Variants in CATSPERQ observed in about 807,000 individuals in gnomAD.
CATSPERQ encodes the protein cation channel sperm-associated auxiliary subunit theta.
At chr8:144,353,667 A>AGACC in the CATSPERQ span, 1 of 1,469,358 alleles carries the variant, frequency 6.8e-7, no homozygotes, top group Admixed American at 2.1e-5. Context: ...CCAGCACCGA[A>AGACC]GACCGTGTTG....
chr8:144,354,225 AG>A, the CATSPERQ span: 1 of 1,545,666 alleles, frequency 6.5e-7, no homozygotes, highest in Non-Finnish European at 8.7e-7. This position sits in a 1 kb window ranked among gnomAD's most constrained non-coding sequence, Gnocchi z 4.6. Context: ...GGTCGGGCCC[AG>A]GGGCTCACAC....
chr8:144,354,477 C>A, the CATSPERQ span: 8 of 1,321,250 alleles, frequency 6.1e-6, no homozygotes, highest in Non-Finnish European at 9.9e-7. The surrounding 1 kb of genome is among the most constrained non-coding windows in gnomAD (Gnocchi z 4.6). Context: ...CCAGGAGCAC[C>A]GGCCGGCCCC....
the CATSPERQ span, chr8:144,354,291 C>T: frequency 7.8e-6 from 12 of 1,534,486 alleles, no homozygotes; most frequent in Admixed American, 2.0e-5. The surrounding 1 kb of genome is among the most constrained non-coding windows in gnomAD (Gnocchi z 4.6). Context: ...AGAGCAGCAT[C>T]CCCTTCCACA....
the CATSPERQ span, chr8:144,354,665 G>A: frequency 6.5e-7 from 1 of 1,535,410 alleles, no homozygotes; most frequent in Non-Finnish European, 8.7e-7. This position sits in a 1 kb window ranked among gnomAD's most constrained non-coding sequence, Gnocchi z 4.6. Context: ...TTCTTGAGGC[G>A]TCTGGCCAGG....
chr8:144,353,641 G>A, the CATSPERQ span: 3 of 1,453,638 alleles, frequency 2.1e-6, no homozygotes, highest in Non-Finnish European at 2.8e-6. Context: ...AAGCCCCGGC[G>A]CCCTCTCCAC....
chr8:144,353,936 A>G, the CATSPERQ span: 1 of 1,527,396 alleles, frequency 6.5e-7, no homozygotes, highest in Non-Finnish European at 8.8e-7. Context: ...TCCCTGGCGC[A>G]CCCTCCCGGC....
chr8:144,354,119 C>A, the CATSPERQ span: 1 of 1,535,074 alleles, frequency 6.5e-7, no homozygotes, highest in Non-Finnish European at 8.7e-7. This position sits in a 1 kb window ranked among gnomAD's most constrained non-coding sequence, Gnocchi z 4.6. Flanking sequence ...ACGCCGTACA[C>A]GAGGAAGACC....
chr8:144,353,755 G>T, the CATSPERQ span: 4 of 1,535,058 alleles, frequency 2.6e-6, no homozygotes, highest in Non-Finnish European at 3.5e-6. Context: ...CCTGAGGAGG[G>T]CGCGTGTCTG....
At chr8:144,354,310 AGGTAGTATTCGAGCACGAAGACTG>A in the CATSPERQ span, 1 of 1,533,806 alleles carries the variant, frequency 6.5e-7, no homozygotes, top group Non-Finnish European at 8.7e-7. This position sits in a 1 kb window ranked among gnomAD's most constrained non-coding sequence, Gnocchi z 4.6. Flanking sequence ...CAGTGTGTCC[AGGTAGTATTCGAGCACGAAGACTG>A]GGGGTGGCGC....
At chr8:144,353,546 C>T in the CATSPERQ span, 4 of 1,526,544 alleles carry the variant, frequency 2.6e-6, no homozygotes, top group Non-Finnish European at 3.5e-6. Flanking sequence ...GCAGGTGGCG[C>T]TCAACTGGGG....
chr8:144,353,339 C>T, the CATSPERQ span: 2 of 1,523,606 alleles, frequency 1.3e-6, no homozygotes, highest in Non-Finnish European at 1.8e-6. Flanking sequence ...GTGGGGGAGG[C>T]CCTCAGAGTC....
chr8:144,354,553 C>CCGACAA, the CATSPERQ span: 1 of 920,114 alleles, frequency 1.1e-6, no homozygotes, highest in Non-Finnish European at 1.6e-6. This position sits in a 1 kb window ranked among gnomAD's most constrained non-coding sequence, Gnocchi z 4.6. Context: ...GGCCCGTCTC[C>CCGACAA]CTCCTCCCCC....
At chr8:144,353,508 C>T in the CATSPERQ span, 18 of 1,535,024 alleles carry the variant, frequency 1.2e-5, no homozygotes, top group African/African-American at 2.2e-4. Flanking sequence ...GGCGATGTAA[C>T]GGCCCAAGTA....
chr8:144,353,748 G>T, the CATSPERQ span: 1 of 1,534,678 alleles, frequency 6.5e-7, no homozygotes, highest in South Asian at 1.2e-5. Flanking sequence ...ATCGTGTCCT[G>T]AGGAGGGCGC....
the CATSPERQ span, chr8:144,354,875 A>T: frequency 2.1e-6 from 3 of 1,435,938 alleles, no homozygotes; most frequent in Non-Finnish European, 2.8e-6. This position sits in a 1 kb window ranked among gnomAD's most constrained non-coding sequence, Gnocchi z 4.6. Flanking sequence ...CTGCAGGCCC[A>T]GGAAGGAGCA....
At chr8:144,353,718 C>G in the CATSPERQ span, 4 of 1,529,792 alleles carry the variant, frequency 2.6e-6, no homozygotes, top group East Asian at 4.9e-5. Flanking sequence ...ACCCAAAGAC[C>G]TTAAACAGTG....
the CATSPERQ span, chr8:144,354,330 G>A: frequency 3.9e-6 from 6 of 1,533,042 alleles, no homozygotes; most frequent in African/African-American, 2.7e-5. The surrounding 1 kb of genome is among the most constrained non-coding windows in gnomAD (Gnocchi z 4.6). Context: ...CGAGCACGAA[G>A]ACTGGGGGTG....
chr8:144,354,162 C>CG, the CATSPERQ span: 1 of 1,536,254 alleles, frequency 6.5e-7, no homozygotes. This position sits in a 1 kb window ranked among gnomAD's most constrained non-coding sequence, Gnocchi z 4.6. Flanking sequence ...GCGGGCGCCA[C>CG]GCGGAGAGTC....
At chr8:144,353,271 C>T in the CATSPERQ span, 1 of 1,432,256 alleles carries the variant, frequency 7.0e-7, no homozygotes, top group African/African-American at 1.4e-5. Context: ...GTGAGTGGGA[C>T]TCACATTTGA....
Sources: gnomAD v4.1 joint callset for allele counts on GRCh38, gnomAD v4.1.1 for gene constraint, Gnocchi (gnomAD v3.1) non-coding constraint, MANE v1.5 for transcripts, NCBI Gene and HGNC (gene_info 2026-07-23, HGNC 2026-07-21) for gene names.